Variants in PARD3 observed in about 807,000 individuals in gnomAD.
PARD3 encodes partitioning defective 3 homolog.
PARD3 carries 75 observed loss-of-function variants against 155.4 expected under a neutral mutation model. The observed-to-expected ratio is 0.48, with a 90% CI of 0.40 to 0.58. The LOEUF (loss-of-function observed/expected upper bound fraction) is 0.58, where lower values mean the gene tolerates loss of function less well. Ranked by LOEUF, PARD3 falls within the 20% of genes least tolerant of loss-of-function variation. PARD3 has a pLI of 0.00. For synonymous variants in PARD3, 576 were observed against 610.5 expected (o/e 0.94, Z 0.83); for missense variants, 1,642 against 1,721.7 (o/e 0.95, Z 0.82).
chr10:34,254,412 CA>C (rs1464645317), intron 22 of PARD3, among the ~76,000 whole-genome samples: 1 of 144,986 alleles, frequency 6.9e-6, no homozygotes, highest in Non-Finnish European at 1.5e-5. Context: ...CAAAAACAAA[CA>C]AAAAAATTAA....
chr10:34,251,185 T>C (rs900976180), intron 22 of PARD3, among the ~76,000 whole-genome samples: 2 of 152,190 alleles, frequency 1.3e-5, no homozygotes, highest in Admixed American at 6.5e-5. Flanking sequence ...AGTTGTATCA[T>C]GAAATACAAA....
At chr10:34,253,998 T>C (rs1954487079) in intron 22 of PARD3, among the ~76,000 whole-genome samples, 1 of 152,074 alleles carries the variant, frequency 6.6e-6, no homozygotes, top group African/African-American at 2.4e-5. Flanking sequence ...ATTGCTCCAG[T>C]GATGGGTGCA....
At chr10:34,276,786 A>C (rs901236574) in intron 21 of PARD3, among the ~76,000 whole-genome samples, 23 of 152,100 alleles carry the variant, frequency 1.5e-4, no homozygotes, top group African/African-American at 5.3e-4. Context: ...TAAACCTCTC[A>C]GTTACATACC....
intron 2 of PARD3, among the ~76,000 whole-genome samples, chr10:34,520,924 T>A (rs752956273): frequency 6.6e-6 from 1 of 152,208 alleles, no homozygotes; most frequent in Admixed American, 6.5e-5. Context: ...GATTTTAATA[T>A]CATCATACTT....
intron 1 of PARD3, among the ~76,000 whole-genome samples, chr10:34,712,604 C>A (rs2094463765): frequency 6.6e-6 from 1 of 152,206 alleles, no homozygotes; most frequent in Non-Finnish European, 1.5e-5. Context: ...CAGACGCTAA[C>A]CTGGAAATCC....
At chr10:34,545,585 C>T (rs991048340) in intron 2 of PARD3, among the ~76,000 whole-genome samples, 4 of 152,122 alleles carry the variant, frequency 2.6e-5, no homozygotes, top group South Asian at 2.1e-4. Context: ...GATGGAGTCT[C>T]GCTCTGTCGC....
intron 24 of PARD3, among the ~76,000 whole-genome samples, chr10:34,113,856 G>A (rs1318129365): frequency 6.6e-6 from 1 of 152,166 alleles, no homozygotes; most frequent in Admixed American, 6.5e-5. Context: ...AGAAAGAAAT[G>A]AAATAACACA....
At chr10:34,144,463 T>G (rs1171079591) in intron 22 of PARD3, among the ~76,000 whole-genome samples, 1 of 152,210 alleles carries the variant, frequency 6.6e-6, no homozygotes, top group Non-Finnish European at 1.5e-5. Context: ...CATTGCTTAC[T>G]TTCATTTAGT....
At chr10:34,235,814 T>C (rs1194251666) in intron 22 of PARD3, among the ~76,000 whole-genome samples, 2 of 152,216 alleles carry the variant, frequency 1.3e-5, no homozygotes, top group Non-Finnish European at 2.9e-5. Flanking sequence ...TACTAAACGA[T>C]TTTGATTTGT....
intron 5 of PARD3, among the ~76,000 whole-genome samples, chr10:34,406,863 C>A (rs1019416617): frequency 2.0e-5 from 3 of 151,584 alleles, no homozygotes; most frequent in Non-Finnish European, 4.4e-5. Context: ...TTCAGAGTAT[C>A]CATTTGGTTA....
intron 1 of PARD3, among the ~76,000 whole-genome samples, chr10:34,740,840 A>G (rs1333783900): frequency 6.6e-6 from 1 of 152,230 alleles, no homozygotes; most frequent in East Asian, 1.9e-4. Flanking sequence ...AGTAGGGTAA[A>G]CAGTGGTTAA....
intron 3 of PARD3, among the ~76,000 whole-genome samples, chr10:34,507,739 C>T (rs1364235452): frequency 1.3e-5 from 2 of 152,104 alleles, no homozygotes; most frequent in Non-Finnish European, 2.9e-5. Context: ...TGTATCCCAT[C>T]TCCAATCCAA....
chr10:34,247,906 T>C (rs1954061723), intron 22 of PARD3, among the ~76,000 whole-genome samples: 1 of 152,224 alleles, frequency 6.6e-6, no homozygotes, highest in African/African-American at 2.4e-5. Flanking sequence ...ATTTTTTACG[T>C]TCAAGTATTA....
chr10:34,367,075 T>C (rs565570688), intron 12 of PARD3, among the ~76,000 whole-genome samples: 2 of 152,338 alleles, frequency 1.3e-5, no homozygotes, highest in South Asian at 2.1e-4. Flanking sequence ...TCTCTAATGT[T>C]AACTCCCAAA....
intron 24 of PARD3, among the ~76,000 whole-genome samples, chr10:34,119,137 GAC>G (rs1212799856): frequency 6.6e-6 from 1 of 152,162 alleles, no homozygotes; most frequent in Non-Finnish European, 1.5e-5. Flanking sequence ...GTGATGATGG[GAC>G]AGTAAGAGAG....
chr10:34,539,679 C>CCT (rs1326007118), intron 2 of PARD3, among the ~76,000 whole-genome samples: 1 of 152,110 alleles, frequency 6.6e-6, no homozygotes, highest in Non-Finnish European at 1.5e-5. Flanking sequence ...AGTAAAACTT[C>CCT]CTATCATCTG....
chr10:34,275,101 A>G (rs1222099640), intron 21 of PARD3, among the ~76,000 whole-genome samples: 1 of 152,210 alleles, frequency 6.6e-6, no homozygotes, highest in Non-Finnish European at 1.5e-5. Flanking sequence ...AAATTTGTAC[A>G]TTATGACTAA....
intron 22 of PARD3, among the ~76,000 whole-genome samples, chr10:34,264,514 A>G (rs1200007236): frequency 2.6e-5 from 4 of 152,194 alleles, no homozygotes; most frequent in Non-Finnish European, 5.9e-5. Flanking sequence ...TCACAGGACC[A>G]GACTGCTATC....
chr10:34,319,843 T>A (rs1958269710), intron 19 of PARD3, among the ~76,000 whole-genome samples: 1 of 152,176 alleles, frequency 6.6e-6, no homozygotes, highest in Non-Finnish European at 1.5e-5. Flanking sequence ...AAATGTGAGA[T>A]AATTGACCAA....
Sources: allele counts gnomAD v4.1 joint callset (sites outside exome capture counted in the v4.1 genomes callset), GRCh38; gene constraint gnomAD v4.1.1; transcripts MANE v1.5; gene names NCBI Gene and HGNC (gene_info 2026-07-23, HGNC 2026-07-21).